The following LMF1 variants were observed in gnomAD, a reference collection of about 807,000 sequenced individuals.
LMF1 encodes transmembrane protein 112.
In LMF1, 68 loss-of-function variants were observed where a neutral mutation model predicts 60.6. The ratio of observed to expected loss-of-function variants is 1.12; its 90% CI spans 0.92 to 1.37. LMF1 has a LOEUF of 1.37. LMF1 is among the 40% of genes most tolerant of loss of function. The probability of loss-of-function intolerance (pLI) is 0.00; values close to 1 mark genes in which losing one functional copy is unlikely to be tolerated. For missense variants in LMF1, 948 were observed against 767.2 expected (o/e 1.24, Z -2.78); for synonymous variants, 418 against 324.7 (o/e 1.29, Z -3.09).
chr16:870,153 TC>T, intron 8 of LMF1, 87 bp from the exon 9 acceptor site: 1 of 1,439,444 alleles, frequency 6.9e-7, no homozygotes, highest in Non-Finnish European at 9.3e-7. Context: ...TCCCCGACTG[TC>T]CATCCTGGCC....
intron 5 of LMF1, among the ~76,000 whole-genome samples, chr16:892,145 T>C (rs889985556): frequency 1.3e-5 from 2 of 152,162 alleles, no homozygotes; most frequent in Admixed American, 1.3e-4. Flanking sequence ...AGCTCCACGC[T>C]TGGAGGCGGT....
chr16:890,430 C>T (rs1352003076), intron 5 of LMF1, among the ~76,000 whole-genome samples: 5 of 152,212 alleles, frequency 3.3e-5, no homozygotes, highest in Admixed American at 1.3e-4. Flanking sequence ...CCCGGCCCCC[C>T]GAGACAGCAG....
intron 3 of LMF1, among the ~76,000 whole-genome samples, chr16:916,659 C>T (rs890073533): frequency 1.6e-4 from 24 of 152,308 alleles, no homozygotes; most frequent in African/African-American, 3.1e-4. Context: ...GTCTGTGATC[C>T]GCCCACATGC....
intron 10 of LMF1, among the ~76,000 whole-genome samples, chr16:867,505 C>T (rs1000327997): frequency 2.0e-5 from 3 of 152,264 alleles, no homozygotes; most frequent in East Asian, 1.9e-4. Flanking sequence ...AGAGAAGACC[C>T]GTATTGAGCC....
intron 4 of LMF1, among the ~76,000 whole-genome samples, chr16:905,634 G>T (rs2070955855): frequency 6.6e-6 from 1 of 151,796 alleles, no homozygotes; most frequent in Non-Finnish European, 1.5e-5. Flanking sequence ...TGAACTTTAT[G>T]AATTCTTTAT....
chr16:893,264 G>A (rs2070544832), intron 4 of LMF1, 192 bp from the exon 5 acceptor site: 2 of 680,840 alleles, frequency 2.9e-6, no homozygotes, highest in Non-Finnish European at 5.4e-6. Context: ...ATTCAGGGCT[G>A]CTTTGAGGAC....
chr16:915,072 G>A (rs531514151), intron 3 of LMF1, among the ~76,000 whole-genome samples: 2 of 152,306 alleles, frequency 1.3e-5, no homozygotes, highest in Admixed American at 6.5e-5. Context: ...TCACCATCTC[G>A]TGCTCGCTTC....
At chr16:869,384 C>G (rs185039359) in intron 9 of LMF1, 5 of 595,388 alleles carry the variant, frequency 8.4e-6, no homozygotes, top group East Asian at 3.7e-5. Context: ...AGGACAGAAA[C>G]AGCAGCTCTG....
intron 2 of LMF1, among the ~76,000 whole-genome samples, chr16:949,357 ACAATGACAGAGTCAGC>A (rs1165025186): frequency 3.3e-5 from 5 of 150,194 alleles, no homozygotes; most frequent in Non-Finnish European, 5.9e-5. Context: ...AGAGTCAGAG[ACAATGACAGAGTCAGC>A]CAATGACAGA....
intron 1 of LMF1, among the ~76,000 whole-genome samples, chr16:958,926 T>C (rs1461868686): frequency 6.6e-6 from 1 of 151,096 alleles, no homozygotes; most frequent in Non-Finnish European, 1.5e-5. Flanking sequence ...AACACGAACA[T>C]GGACAGTGCC....
intron 3 of LMF1, among the ~76,000 whole-genome samples, chr16:930,365 A>C (rs2071744592): frequency 6.6e-6 from 1 of 152,200 alleles, no homozygotes; most frequent in South Asian, 2.1e-4. Flanking sequence ...AGACCCAAAG[A>C]CCAGCCTGGG....
intron 4 of LMF1, among the ~76,000 whole-genome samples, chr16:896,509 A>G (rs1164246816): frequency 6.6e-6 from 1 of 152,222 alleles, no homozygotes; most frequent in Non-Finnish European, 1.5e-5. Flanking sequence ...TCAGATCACA[A>G]AAGCACCGGA....
Position 970,966 on chromosome 16 carries a change from G to A in LMF1, c.15C>T (p.Ser5=), listed in dbSNP as rs745675006. ...ACTCCGCGGGCGCCGCCATTGTTGG[G>A]CTGTCAGGGCGCATGTGCGGGGAGG... MRPD[S]PTMAAPAESL... Residue 5 remains serine (S), a synonymous_variant, in exon 1 of 11, where the codon AGC becomes AGT. Coordinates refer to ENST00000262301, the MANE Select transcript of LMF1 (RefSeq NM_022773.4). 5.9e-6 allele frequency: 9 copies of A among 1,525,980 alleles called. No homozygotes were observed. Among genetic ancestry groups the A allele is most frequent in the Non-Finnish European group, 6.2e-6 (7 of 1,132,162 alleles). 94.5% of individuals were successfully genotyped at this position (1,525,980 alleles called of 1,614,324 possible). A position where few individuals can be genotyped will look rare whatever the true frequency, so the allele number is the denominator to read the frequency against.
chr16:965,928 C>CAG (rs201307207), intron 1 of LMF1, among the ~76,000 whole-genome samples: 4,482 of 152,184 alleles, frequency 0.029, 82 homozygotes, highest in South Asian at 0.11. Flanking sequence ...TAAAGAAAGT[C>CAG]CTCTCCCTGA....
At chr16:931,289 T>C (rs1353381389) in intron 3 of LMF1, among the ~76,000 whole-genome samples, 3 of 152,234 alleles carry the variant, frequency 2.0e-5, no homozygotes, top group Non-Finnish European at 4.4e-5. Flanking sequence ...GTGGGGGCCC[T>C]GGAAGCCTGG....
intron 10 of LMF1, chr16:855,727 C>G (rs565260995): frequency 4.4e-6 from 2 of 456,060 alleles, no homozygotes; most frequent in Admixed American, 2.3e-5. Context: ...ACAGGACCCT[C>G]TCATGGCCCC....
intron 5 of LMF1, among the ~76,000 whole-genome samples, chr16:889,320 CA>C (rs2070407087): frequency 6.6e-6 from 1 of 151,976 alleles, no homozygotes; most frequent in Non-Finnish European, 1.5e-5. Context: ...TCGTTACCAG[CA>C]GATGAAAAAA....
chr16:866,828 T>C (rs554189358), intron 10 of LMF1, among the ~76,000 whole-genome samples: 163 of 152,308 alleles, frequency 1.1e-3, no homozygotes, highest in Non-Finnish European at 1.7e-3. Flanking sequence ...CATTACTGGG[T>C]TTCCAGTTTC....
At chr16:854,914 C>A in intron 10 of LMF1, 1 of 610,764 alleles carries the variant, frequency 1.6e-6, no homozygotes, top group Non-Finnish European at 2.9e-6. Context: ...CAGTGAACAG[C>A]GCAGCAAGGG....
Sources: allele counts gnomAD v4.1 joint callset (sites outside exome capture counted in the v4.1 genomes callset), GRCh38; gene constraint gnomAD v4.1.1; transcripts MANE v1.5; gene names NCBI Gene and HGNC (gene_info 2026-07-23, HGNC 2026-07-21).